The following NOTCH2NLR variants were observed in gnomAD, a reference collection of about 807,000 sequenced individuals.
NOTCH2NLR encodes the protein notch 2 N-terminal like R (pseudogene).
Under a neutral mutation model 35.6 loss-of-function variants are expected in NOTCH2NLR, and 33 were observed. The observed-to-expected ratio is 0.93, with a 90% CI of 0.70 to 1.24. NOTCH2NLR has a LOEUF of 1.24. Ranked by LOEUF, NOTCH2NLR falls within the 50% of genes most tolerant of loss-of-function variation. The pLI, the probability that NOTCH2NLR is intolerant of heterozygous loss-of-function variation, is 0.00. For missense variants in NOTCH2NLR, 276 were observed against 362.2 expected (o/e 0.76, Z 1.93); for synonymous variants, 103 against 141.0 (o/e 0.73, Z 1.91).
chr1:120,789,948 A>C (rs1265900043), intron 3 of NOTCH2NLR, among the ~76,000 whole-genome samples: 1 of 83,046 alleles, frequency 1.2e-5, no homozygotes, highest in Non-Finnish European at 2.1e-5. Flanking sequence ...TCCCAAATTA[A>C]AACTTCTTCC....
intron 1 of NOTCH2NLR, among the ~76,000 whole-genome samples, chr1:120,724,630 G>A (rs1241788009): frequency 8.2e-6 from 1 of 121,304 alleles, no homozygotes; most frequent in Non-Finnish European, 1.6e-5. Flanking sequence ...GCCTCGGAGG[G>A]GCTGAGCGAA....
In NOTCH2NLR at chr1:120,745,235, A is replaced by T. The variant is rs1477854598; in HGVS notation, c.74-18393A>T. On this transcript the variant is annotated intron_variant, in intron 1 of 4. Coordinates refer to ENST00000624419, the Ensembl canonical transcript of NOTCH2NLR. ...ATGGTTTTTTAAACTGCAGATCATGACCACGAATGGGTCATGAAACCAATT... is the reference window on the plus strand; with the variant it reads ...ATGGTTTTTTAAACTGCAGATCATGTCCACGAATGGGTCATGAAACCAATT... Among the ~76,000 whole-genome samples the T allele has an allele frequency of 2.3e-4, 25 of 109,550 alleles. 5 individuals are homozygous for T. Among genetic ancestry groups the T allele is most frequent in the Admixed American group, 2.7e-4 (3 of 11,304 alleles). 71.9% of individuals were successfully genotyped at this position (109,550 alleles called of 152,430 possible). A position where few individuals can be genotyped will look rare whatever the true frequency, so the allele number is the denominator to read the frequency against.
At position 120,728,839 on chromosome 1, in the gene NOTCH2NLR, C is replaced by A. The variant is rs1198618083; in HGVS notation, c.73+4589C>A. 7.5e-5 allele frequency among the ~76,000 whole-genome samples: 8 copies of A among 106,916 alleles called. 1 individual carries two copies. Among genetic ancestry groups the A allele is most frequent in the Non-Finnish European group, 1.4e-4 (8 of 57,880 alleles). The allele number at this position is 106,916 out of a possible 152,430, so 70.1% of individuals were successfully genotyped here. ...TTTTTTTTTTTTGAACCAAGAGAGT[C>A]CCCTGAACACCCTACTGACAAAAAC... On this transcript the variant is annotated intron_variant, in intron 1 of 4. Transcript: ENST00000624419.
intron 1 of NOTCH2NLR, among the ~76,000 whole-genome samples, chr1:120,732,910 C>T (rs1281325899): frequency 9.6e-6 from 1 of 104,388 alleles, no homozygotes; most frequent in Non-Finnish European, 1.8e-5. Flanking sequence ...CGTATTTATA[C>T]TTTGCTGATT....
At chr1:120,759,267 C>CTTTT (rs1169932555) in intron 1 of NOTCH2NLR, among the ~76,000 whole-genome samples, 2 of 33,288 alleles carry the variant, frequency 6.0e-5, no homozygotes, top group Non-Finnish European at 9.9e-5. Context: ...CTTCTTTTTG[C>CTTTT]TTTTTTTTTT....
chr1:120,777,474 A>G (rs1651312212), intron 2 of NOTCH2NLR, among the ~76,000 whole-genome samples: 1 of 108,952 alleles, frequency 9.2e-6, no homozygotes, highest in South Asian at 2.7e-4. Context: ...AGAGTGAGAG[A>G]TTGTATACTT....
rs1571029909 is a variant in NOTCH2NLR at position 120,790,761 on chromosome 1, G to A, written c.416-2400G>A. On this transcript the variant is annotated intron_variant, in intron 3 of 4. Coordinates refer to ENST00000624419, the Ensembl canonical transcript of NOTCH2NLR. ...ATTACAGGTATGCGCTATGAAGCCCGGCTAATTTTTGTATTTTTAGAAAAG... is the reference window on the plus strand; with the variant it reads ...ATTACAGGTATGCGCTATGAAGCCCAGCTAATTTTTGTATTTTTAGAAAAG... Among the ~76,000 whole-genome samples, 16 of 108,186 alleles carry A rather than the reference G, an allele frequency of 1.5e-4. 3 individuals are homozygous for A. In the South Asian group the frequency reaches 3.5e-3, roughly 24 times the overall value. 71.0% of individuals were successfully genotyped at this position (108,186 alleles called of 152,430 possible). A position where few individuals can be genotyped will look rare whatever the true frequency, so the allele number is the denominator to read the frequency against.
At chr1:120,768,990 TTATAAAA>T in intron 2 of NOTCH2NLR, among the ~76,000 whole-genome samples, 1 of 110,182 alleles carries the variant, frequency 9.1e-6, no homozygotes, top group South Asian at 2.8e-4. Context: ...ATATAAAGTG[TTATAAAA>T]TATAACTTTG....
At chr1:120,761,232 C>A (rs1201130932) in intron 1 of NOTCH2NLR, among the ~76,000 whole-genome samples, 2 of 121,230 alleles carry the variant, frequency 1.6e-5, no homozygotes, top group African/African-American at 7.9e-5. Context: ...AGGAACAGGC[C>A]GTGATTTTTG....
At position 120,770,330 on chromosome 1, in the gene NOTCH2NLR, C is replaced by T. The variant is rs1213396825; in HGVS notation, c.155+6621C>T. On this transcript the variant is annotated intron_variant, in intron 2 of 4. Transcript: ENST00000624419. ...GACTATAAGCGCCCGCCACCACGCC[C>T]GGCTAATTTTTTGTATTTTTAGTAG... Among the ~76,000 whole-genome samples, 17 of 108,166 alleles carry T rather than the reference C, an allele frequency of 1.6e-4. 2 individuals are homozygous for T. The highest frequency in any genetic ancestry group is 4.4e-4 in the East Asian group (2 of 4,548). 71.0% of individuals were successfully genotyped at this position (108,166 alleles called of 152,430 possible). A position where few individuals can be genotyped will look rare whatever the true frequency, so the allele number is the denominator to read the frequency against.
At chr1:120,778,118 C>T (rs1352068216) in intron 2 of NOTCH2NLR, among the ~76,000 whole-genome samples, 1 of 91,994 alleles carries the variant, frequency 1.1e-5, no homozygotes, top group Non-Finnish European at 2.0e-5. Flanking sequence ...GGAAACTAAG[C>T]TGGCATTATG....
In NOTCH2NLR at chr1:120,768,221, A is replaced by T. The variant is rs1398020729; in HGVS notation, c.155+4512A>T. 4.4e-5 allele frequency among the ~76,000 whole-genome samples: 5 copies of T among 114,172 alleles called. 1 individual carries two copies. In the East Asian group the frequency reaches 1.1e-3, roughly 24 times the overall value. The allele number at this position is 114,172 out of a possible 152,430, so 74.9% of individuals were successfully genotyped here. A position where few individuals can be genotyped will look rare whatever the true frequency, so the allele number is the denominator to read the frequency against. The stretch of plus-strand genomic sequence containing the variant: ...ATAGGGCTCTTATTCCCAAGATGGG[A>T]CCCTTCTAGGGGTTCAGTGGAAAGT... On this transcript the variant is annotated intron_variant, in intron 2 of 4. Coordinates refer to ENST00000624419, the Ensembl canonical transcript of NOTCH2NLR.
rs1372749281 is a variant in NOTCH2NLR, at chr1:120,790,806, G to A, written c.416-2355G>A. Among the ~76,000 whole-genome samples, 2 of 104,236 alleles carry A rather than the reference G, an allele frequency of 1.9e-5. 1 individual carries two copies. The highest frequency in any genetic ancestry group is 3.5e-5 in the Non-Finnish European group (2 of 56,738). The allele number at this position is 104,236 out of a possible 152,430, so 68.4% of individuals were successfully genotyped here. A position where few individuals can be genotyped will look rare whatever the true frequency, so the allele number is the denominator to read the frequency against. Reference sequence around the variant, plus strand: ...GAAAAGATGGCGTTTCACCATGTTGGCCAGGCTGGTCTCAAACTCCTAACC... The same window carrying A: ...GAAAAGATGGCGTTTCACCATGTTGACCAGGCTGGTCTCAAACTCCTAACC... On this transcript the variant is annotated intron_variant, in intron 3 of 4. Transcript: ENST00000624419.
chr1:120,793,272 G>A, exon 4 of NOTCH2NLR: 3 of 1,398,270 alleles, frequency 2.1e-6, no homozygotes, highest in Non-Finnish European at 2.9e-6. Context: ...GGCTTCACAG[G>A]GCAGAAGTGT....
Position 120,793,477 on chromosome 1 carries a change from T to A in NOTCH2NLR, c.732T>A (p.Phe244Leu). Residue 244 changes from phenylalanine to leucine, a missense_variant, in exon 4 of 5, where the codon TTT becomes TTA. By Grantham distance (22) the Phe-to-Leu change is conservative. Coordinates refer to ENST00000624419, the Ensembl canonical transcript of NOTCH2NLR. ...GTCGGCAGACTGGTGACTTCACTTTTGAGTGCAACTGCCTTCCAGGTAAGG... is the reference window on the plus strand; with the variant it reads ...GTCGGCAGACTGGTGACTTCACTTTAGAGTGCAACTGCCTTCCAGGTAAGG... 1.4e-6 allele frequency: 2 copies of A among 1,386,620 alleles called. 1 individual carries two copies. The highest frequency in any genetic ancestry group is 1.9e-6 in the Non-Finnish European group (2 of 1,031,618). The allele number at this position is 1,386,620 out of a possible 1,614,324, so 85.9% of individuals were successfully genotyped here.
intron 2 of NOTCH2NLR, among the ~76,000 whole-genome samples, chr1:120,782,821 G>T (rs1397916361): frequency 9.7e-6 from 1 of 103,028 alleles, no homozygotes; most frequent in Non-Finnish European, 1.8e-5. Flanking sequence ...TACCTAGGAA[G>T]GGAGGCAGAA....
At chr1:120,779,703 G>A (rs1297127639) in intron 2 of NOTCH2NLR, among the ~76,000 whole-genome samples, 1 of 122,040 alleles carries the variant, frequency 8.2e-6, no homozygotes, top group Non-Finnish European at 1.7e-5. Flanking sequence ...AGGGGTGTTG[G>A]GTGTTTAGCC....
At chr1:120,793,390 C>T (rs1651515751) in exon 4 of NOTCH2NLR, 4 of 1,435,966 alleles carry the variant, frequency 2.8e-6, no homozygotes, top group Middle Eastern at 1.8e-4. Flanking sequence ...GCTTCACAGG[C>T]CAGTACTGTG....
At chr1:120,777,966 A>C (rs1459284683) in intron 2 of NOTCH2NLR, among the ~76,000 whole-genome samples, 1 of 85,252 alleles carries the variant, frequency 1.2e-5, no homozygotes, top group African/African-American at 9.2e-5. Flanking sequence ...ACTTGATTCT[A>C]TAGGCTCTGG....
Sources: allele counts gnomAD v4.1 joint callset (sites outside exome capture counted in the v4.1 genomes callset), GRCh38; gene constraint gnomAD v4.1.1; transcripts MANE v1.5; gene names NCBI Gene and HGNC (gene_info 2026-07-23, HGNC 2026-07-21).